The following KCNT2 variants were observed in gnomAD, a reference collection of about 807,000 sequenced individuals.
The protein encoded by KCNT2 is potassium sodium-activated channel subfamily T member 2.
A neutral mutation model predicts 153.8 loss-of-function variants in KCNT2; 67 were observed. That is an observed-to-expected ratio of 0.44 (90% CI 0.36 to 0.53). The LOEUF is 0.53. Among genes scored for constraint, KCNT2 ranks in the 20% least tolerant of loss-of-function variants. The pLI is 0.00. For synonymous variants in KCNT2, 500 were observed against 458.8 expected, an observed-to-expected ratio of 1.09 and a Z score of -1.15; for missense variants, 975 against 1,354.8, an observed-to-expected ratio of 0.72 and a Z score of 4.40.
At chr1:196,306,084 G>T (rs1271915488) in intron 21 of KCNT2, among the ~76,000 whole-genome samples, 1 of 151,852 alleles carries the variant, frequency 6.6e-6, no homozygotes, top group Non-Finnish European at 1.5e-5. Context: ...TTTTATTTTT[G>T]CTGTTGTTCA....
chr1:196,475,480 T>C (rs1449674635), intron 5 of KCNT2, among the ~76,000 whole-genome samples: 1 of 151,754 alleles, frequency 6.6e-6, no homozygotes, highest in African/African-American at 2.4e-5. Flanking sequence ...ATTAGCCGGG[T>C]GTGGTGGTGC....
chr1:196,499,132 AG>A (rs1169838477), intron 1 of KCNT2, among the ~76,000 whole-genome samples: 2 of 152,218 alleles, frequency 1.3e-5, no homozygotes, highest in Non-Finnish European at 2.9e-5. Flanking sequence ...TCAAAACTCA[AG>A]GAACACCTGG....
intron 13 of KCNT2, among the ~76,000 whole-genome samples, chr1:196,393,064 A>G (rs946979437): frequency 1.3e-4 from 19 of 151,552 alleles, no homozygotes; most frequent in African/African-American, 4.3e-4. Context: ...TTACAATCAA[A>G]TTCTGTGATA....
intron 26 of KCNT2, among the ~76,000 whole-genome samples, chr1:196,245,272 C>T (rs886605311): frequency 7.9e-5 from 12 of 152,094 alleles, no homozygotes; most frequent in African/African-American, 2.9e-4. Context: ...GGGAGGATTG[C>T]TTGAGCCCGG....
chr1:196,304,532 A>G (rs1188579209), intron 22 of KCNT2, among the ~76,000 whole-genome samples: 1 of 152,072 alleles, frequency 6.6e-6, no homozygotes, highest in Non-Finnish European at 1.5e-5. Flanking sequence ...CACATTTTAC[A>G]TGTATAAGAC....
At chr1:196,476,275 AAGCAT>A (rs1678520701) in intron 5 of KCNT2, among the ~76,000 whole-genome samples, 1 of 152,310 alleles carries the variant, frequency 6.6e-6, no homozygotes, top group Admixed American at 6.5e-5. Flanking sequence ...CCTAAATTTT[AAGCAT>A]ACCATTATTT....
At chr1:196,472,206 G>C (rs905226670) in intron 5 of KCNT2, among the ~76,000 whole-genome samples, 1 of 151,938 alleles carries the variant, frequency 6.6e-6, no homozygotes, top group Non-Finnish European at 1.5e-5. Flanking sequence ...GATACTCCCA[G>C]CTATTTCATA....
chr1:196,322,061 T>C (rs1055041546), intron 19 of KCNT2, among the ~76,000 whole-genome samples: 1 of 151,958 alleles, frequency 6.6e-6, no homozygotes, highest in Non-Finnish European at 1.5e-5. Context: ...CTAGATGTCC[T>C]TTTCCTACAT....
At chr1:196,342,656 C>G (rs1665781436) in intron 14 of KCNT2, among the ~76,000 whole-genome samples, 1 of 151,600 alleles carries the variant, frequency 6.6e-6, no homozygotes, top group South Asian at 2.1e-4. Flanking sequence ...CCTATGATAC[C>G]TGCGTGGCTG....
intron 12 of KCNT2, among the ~76,000 whole-genome samples, chr1:196,418,070 T>C (rs1403033487): frequency 6.6e-6 from 1 of 152,160 alleles, no homozygotes; most frequent in East Asian, 1.9e-4. Context: ...TAATTATATT[T>C]CCAATCTTGA....
chr1:196,338,499 A>G (rs181215786), intron 16 of KCNT2, among the ~76,000 whole-genome samples: 16 of 152,256 alleles, frequency 1.1e-4, no homozygotes, highest in Non-Finnish European at 1.8e-4. Context: ...AAGAAACTGG[A>G]ACATTCCTAA....
intron 26 of KCNT2, among the ~76,000 whole-genome samples, chr1:196,246,584 A>G (rs1048816061): frequency 5.9e-5 from 9 of 152,116 alleles, no homozygotes. Flanking sequence ...ACATAGTATA[A>G]TAAGATATAA....
intron 12 of KCNT2, among the ~76,000 whole-genome samples, chr1:196,417,634 C>T (rs1672861293): frequency 6.6e-6 from 1 of 152,096 alleles, no homozygotes; most frequent in Non-Finnish European, 1.5e-5. Context: ...ACTTTCTTCT[C>T]ATCCCTCATT....
At chr1:196,502,049 A>G (rs1418450732) in intron 1 of KCNT2, among the ~76,000 whole-genome samples, 2 of 152,150 alleles carry the variant, frequency 1.3e-5, no homozygotes, top group Admixed American at 6.5e-5. Context: ...CCCTGGAGTC[A>G]GAGGTTGCAG....
intron 22 of KCNT2, among the ~76,000 whole-genome samples, chr1:196,289,790 C>A (rs1389886407): frequency 6.6e-6 from 1 of 151,976 alleles, no homozygotes; most frequent in East Asian, 1.9e-4. Flanking sequence ...TATCATATTT[C>A]TTTTCTAGTA....
chr1:196,374,422 A>T (rs1426069448), intron 13 of KCNT2, among the ~76,000 whole-genome samples: 1 of 151,838 alleles, frequency 6.6e-6, no homozygotes, highest in Admixed American at 6.6e-5. Context: ...TTTTGCTTTC[A>T]TTTTTTATTG....
At chr1:196,325,167 C>A (rs1361989608) in intron 19 of KCNT2, among the ~76,000 whole-genome samples, 1 of 152,028 alleles carries the variant, frequency 6.6e-6, no homozygotes, top group Non-Finnish European at 1.5e-5. Flanking sequence ...CACATCAGGA[C>A]AAGAAACTTT....
intron 3 of KCNT2, among the ~76,000 whole-genome samples, chr1:196,488,320 C>T (rs1463700013): frequency 1.3e-5 from 2 of 151,958 alleles, no homozygotes; most frequent in African/African-American, 4.8e-5. Context: ...ACCAATACTG[C>T]ACTAACCATG....
chr1:196,608,256 T>G lies in KCNT2; in HGVS notation c.54A>C (p.Arg18=), dbSNP rs1050924833. Reference sequence around the variant, plus strand: ...ATCCTTGGTCCCCTAGCAGCAAATCTCGAAACCTGTACCTGGGAGGCAGAG... The same window carrying G: ...ATCCTTGGTCCCCTAGCAGCAAATCGCGAAACCTGTACCTGGGAGGCAGAG... ...VPPLPPRYRF[R]DLLLGDQGWQ... is the part of the protein sequence containing the mutation. The change falls in exon 1 of 28, where the codon CGA becomes CGC. Residue 18 remains arginine (R), a synonymous_variant. Coordinates refer to ENST00000294725, the MANE Select transcript of KCNT2 (RefSeq NM_198503.5). 30 of 1,613,932 alleles carry G rather than the reference T, an allele frequency of 1.9e-5. No homozygotes were observed. Among genetic ancestry groups the G allele is most frequent in the Non-Finnish European group, 2.4e-5 (28 of 1,180,026 alleles).
Sources: gnomAD v4.1 joint callset for allele counts (sites outside exome capture counted in the v4.1 genomes callset) on GRCh38, gnomAD v4.1.1 for gene constraint, MANE v1.5 for transcripts, NCBI Gene and HGNC (gene_info 2026-07-23, HGNC 2026-07-21) for gene names.